Variants in THSD4 observed in about 807,000 individuals in gnomAD.
The protein encoded by THSD4 is thrombospondin type-1 domain-containing protein 4.
In THSD4, 69 loss-of-function variants were observed where a neutral mutation model predicts 119.0. The ratio of observed to expected loss-of-function variants is 0.58; its 90% CI spans 0.48 to 0.71. THSD4 has a LOEUF of 0.71. Among genes scored for constraint, THSD4 ranks in the 30% least tolerant of loss-of-function variants. The pLI is 0.00. For missense variants in THSD4, 1,393 were observed against 1,391.1 expected (o/e 1.00, Z -0.02); for synonymous variants, 524 against 540.4 (o/e 0.97, Z 0.42).
At chr15:71,413,202 G>A (rs2046713746) in intron 7 of THSD4, among the ~76,000 whole-genome samples, 1 of 152,020 alleles carries the variant, frequency 6.6e-6, no homozygotes, top group African/African-American at 2.4e-5. Flanking sequence ...TAATACAGAC[G>A]GGGTTTCACC....
At chr15:71,601,044 A>G (rs1391559629) in intron 7 of THSD4, among the ~76,000 whole-genome samples, 1 of 151,940 alleles carries the variant, frequency 6.6e-6, no homozygotes, top group Non-Finnish European at 1.5e-5. Context: ...ACTGTACCCA[A>G]CCTATCATGC....
At chr15:71,762,330 A>G (rs1479799258) in intron 15 of THSD4, among the ~76,000 whole-genome samples, 3 of 152,236 alleles carry the variant, frequency 2.0e-5, no homozygotes, top group Admixed American at 2.0e-4. Context: ...AAAATAGCAG[A>G]AGATAACTAC....
intron 7 of THSD4, among the ~76,000 whole-genome samples, chr15:71,454,030 A>T (rs1404867760): frequency 1.3e-5 from 2 of 152,156 alleles, no homozygotes; most frequent in Non-Finnish European, 1.5e-5. Context: ...GCCAAGGCAG[A>T]TGGATCACTT....
At chr15:71,323,801 T>C (rs2045305599) in intron 6 of THSD4, among the ~76,000 whole-genome samples, 1 of 152,314 alleles carries the variant, frequency 6.6e-6, no homozygotes, top group Non-Finnish European at 1.5e-5. Context: ...CTTTAGAGAA[T>C]GCAGATAAGC....
chr15:71,274,744 G>A (rs181227253), intron 6 of THSD4, among the ~76,000 whole-genome samples: 159 of 152,254 alleles, frequency 1.0e-3, no homozygotes, highest in Non-Finnish European at 1.8e-3. Flanking sequence ...ATATGAGAAA[G>A]GAAAGATTGA....
intron 4 of THSD4, among the ~76,000 whole-genome samples, chr15:71,223,257 C>T (rs915387776): frequency 2.6e-5 from 4 of 152,174 alleles, no homozygotes; most frequent in African/African-American, 7.2e-5. Flanking sequence ...CAAGCCTGTG[C>T]GACATCATGC....
At chr15:71,155,983 T>C (rs2040773263) in intron 3 of THSD4, among the ~76,000 whole-genome samples, 1 of 152,186 alleles carries the variant, frequency 6.6e-6, no homozygotes, top group South Asian at 2.1e-4. Flanking sequence ...CAGTATTGCA[T>C]ATGCTTCCCT....
chr15:71,581,855 C>T (rs1340914366), intron 7 of THSD4, among the ~76,000 whole-genome samples: 1 of 152,100 alleles, frequency 6.6e-6, no homozygotes, highest in Admixed American at 6.6e-5. Flanking sequence ...TGGGCTATTC[C>T]GTTCCATTGG....
intron 3 of THSD4, among the ~76,000 whole-genome samples, chr15:71,182,505 T>C (rs1389276034): frequency 6.6e-6 from 1 of 151,800 alleles, no homozygotes; most frequent in Admixed American, 6.6e-5. Context: ...TTAATTTTTT[T>C]CTCAAAATTT....
At chr15:71,132,298 A>G (rs2040510901) in intron 1 of THSD4, among the ~76,000 whole-genome samples, 1 of 152,250 alleles carries the variant, frequency 6.6e-6, no homozygotes, top group African/African-American at 2.4e-5. Flanking sequence ...ATTTTCCAAC[A>G]ATAAGGGAAC....
At chr15:71,593,105 C>T (rs1320390628) in intron 7 of THSD4, among the ~76,000 whole-genome samples, 1 of 152,100 alleles carries the variant, frequency 6.6e-6, no homozygotes, top group Admixed American at 6.6e-5. Flanking sequence ...CTGTCCCCAG[C>T]CTTATCTCTT....
intron 3 of THSD4, among the ~76,000 whole-genome samples, chr15:71,200,129 T>C (rs1379310724): frequency 1.3e-5 from 2 of 152,080 alleles, no homozygotes; most frequent in Non-Finnish European, 2.9e-5. Flanking sequence ...TCCCTGCACA[T>C]TCCTGGGCGC....
chr15:71,390,358 G>A (rs958343828), intron 6 of THSD4, among the ~76,000 whole-genome samples: 5 of 152,182 alleles, frequency 3.3e-5, no homozygotes, highest in African/African-American at 1.2e-4. Flanking sequence ...AGGAAACCAG[G>A]AAGGAAATAG....
intron 6 of THSD4, among the ~76,000 whole-genome samples, chr15:71,284,354 T>A (rs749765500): frequency 1.3e-5 from 2 of 152,300 alleles, no homozygotes; most frequent in Middle Eastern, 3.4e-3. Flanking sequence ...TCTTTGTTGG[T>A]GTTATATATT....
intron 8 of THSD4, among the ~76,000 whole-genome samples, chr15:71,686,659 G>A (rs1211610478): frequency 6.6e-6 from 1 of 152,182 alleles, no homozygotes; most frequent in Non-Finnish European, 1.5e-5. Flanking sequence ...ATTCTTGGGG[G>A]AAGGGGAAGT....
At chr15:71,245,369 G>C (rs1007593421) in intron 5 of THSD4, among the ~76,000 whole-genome samples, 13 of 152,010 alleles carry the variant, frequency 8.6e-5, no homozygotes, top group Non-Finnish European at 1.8e-4. Flanking sequence ...TGTGACTTGG[G>C]CCACACCCCC....
At chr15:71,252,866 T>TATCATCATC (rs56093539) in intron 5 of THSD4, among the ~76,000 whole-genome samples, 3,862 of 151,242 alleles carry the variant, frequency 0.026, 176 homozygotes, top group African/African-American at 0.088. Flanking sequence ...AAAAGTTAGG[T>TATCATCATC]ATCATCATCA....
chr15:71,632,435 T>C (rs753764146), intron 7 of THSD4, among the ~76,000 whole-genome samples: 3 of 152,214 alleles, frequency 2.0e-5, no homozygotes, highest in Non-Finnish European at 4.4e-5. Context: ...AGGGATTGTT[T>C]GCAACCAACA....
At chr15:71,613,941 C>G (rs963587993) in intron 7 of THSD4, among the ~76,000 whole-genome samples, 1 of 152,108 alleles carries the variant, frequency 6.6e-6, no homozygotes, top group East Asian at 1.9e-4. Context: ...AGACCATAAA[C>G]TCAATAAATA....
Sources: gnomAD v4.1 joint callset for allele counts (sites outside exome capture counted in the v4.1 genomes callset) on GRCh38, gnomAD v4.1.1 for gene constraint, MANE v1.5 for transcripts, NCBI Gene and HGNC (gene_info 2026-07-23, HGNC 2026-07-21) for gene names.